Variants in AGO3 observed in about 807,000 individuals in gnomAD.
AGO3 encodes argonaute RISC catalytic component 3, also known as protein argonaute-3.
A neutral mutation model predicts 105.5 loss-of-function variants in AGO3; 16 were observed. The observed-to-expected ratio is 0.15, with a 90% CI of 0.10 to 0.23. The LOEUF is 0.23. Among genes scored for constraint, AGO3 ranks in the 10% least tolerant of loss-of-function variants. AGO3 has a pLI of 1.00. For missense variants in AGO3, 534 were observed against 1,088.0 expected, an observed-to-expected ratio of 0.49 and a Z score of 7.16; for synonymous variants, 340 against 367.3, an observed-to-expected ratio of 0.93 and a Z score of 0.85.
intron 5 of AGO3, among the ~76,000 whole-genome samples, chr1:35,978,476 GC>G (rs1646992921): frequency 6.6e-6 from 1 of 152,228 alleles, no homozygotes; most frequent in African/African-American, 2.4e-5. Flanking sequence ...ACAGGCGTGA[GC>G]CACCGCATCT....
intron 1 of AGO3, among the ~76,000 whole-genome samples, chr1:35,935,408 G>C (rs1646131277): frequency 6.6e-6 from 1 of 152,144 alleles, no homozygotes; most frequent in Non-Finnish European, 1.5e-5. Context: ...AATCTGTTTA[G>C]TTTTTTAAAA....
chr1:36,005,077 CAAAAAT>C (rs1290122160), intron 6 of AGO3, among the ~76,000 whole-genome samples: 2 of 151,636 alleles, frequency 1.3e-5, no homozygotes, highest in African/African-American at 2.4e-5. Context: ...TGTGGCTGCC[CAAAAAT>C]AAAAATAAAA....
At chr1:36,018,681 T>A (rs1641045065) in intron 11 of AGO3, among the ~76,000 whole-genome samples, 1 of 152,178 alleles carries the variant, frequency 6.6e-6, no homozygotes, top group Admixed American at 6.5e-5. Context: ...TTCACCCGCC[T>A]TGGCCTCCCA....
intron 2 of AGO3, among the ~76,000 whole-genome samples, chr1:35,958,962 T>C (rs1264654026): frequency 6.6e-6 from 1 of 152,208 alleles, no homozygotes; most frequent in East Asian, 1.9e-4. Context: ...GGGGAAAATA[T>C]TCTTTCATGT....
chr1:35,957,047 T>C (rs1359597167), intron 2 of AGO3, among the ~76,000 whole-genome samples: 1 of 151,952 alleles, frequency 6.6e-6, no homozygotes, highest in African/African-American at 2.4e-5. Flanking sequence ...TTACACATGG[T>C]TGTTAAGAAG....
intron 2 of AGO3, among the ~76,000 whole-genome samples, chr1:35,965,436 G>A (rs181346406): frequency 3.4e-5 from 5 of 145,042 alleles, no homozygotes; most frequent in Non-Finnish European, 6.0e-5. Context: ...GTAGCAGTGA[G>A]CCGAGATCGC....
rs1474619512 is a variant in AGO3 at position 36,069,978 on chromosome 1, A to G, written c.*14233A>G. On this transcript the variant is annotated 3_prime_UTR_variant, in exon 19 of 19. Transcript: ENST00000373191. Reference sequence around the variant, plus strand: ...AGGCTAAGGTGGGAGAATTGCTTGGACCCAGGTGGCAGAGGTTGCAGTGAG... The same window carrying G: ...AGGCTAAGGTGGGAGAATTGCTTGGGCCCAGGTGGCAGAGGTTGCAGTGAG... The G allele has an allele frequency of 6.6e-6, 1 of 152,090 alleles. No individual in the cohort carries two copies. The highest frequency in any genetic ancestry group is 1.5e-5 in the Non-Finnish European group (1 of 68,054). 9.4% of individuals were successfully genotyped at this position (152,090 alleles called of 1,614,324 possible).
At chr1:36,042,328 G>A (rs576020227) in intron 16 of AGO3, among the ~76,000 whole-genome samples, 5 of 152,092 alleles carry the variant, frequency 3.3e-5, no homozygotes, top group African/African-American at 7.2e-5. Flanking sequence ...CAAATGATCC[G>A]CCCACCTCGG....
intron 2 of AGO3, among the ~76,000 whole-genome samples, chr1:35,962,464 A>G (rs1317522539): frequency 2.0e-5 from 3 of 151,394 alleles, no homozygotes; most frequent in African/African-American, 4.9e-5. Context: ...AATAGTGTGA[A>G]CCCAGGAGGG....
At chr1:35,952,148 CTTTT>C (rs869309731) in intron 2 of AGO3, among the ~76,000 whole-genome samples, 29 of 18,060 alleles carry the variant, frequency 1.6e-3, no homozygotes, top group East Asian at 0.013. Flanking sequence ...TTCTTTCTTT[CTTTT>C]TTTTTTTTTT....
chr1:35,949,824 A>G (rs188342095), intron 2 of AGO3, among the ~76,000 whole-genome samples: 4 of 152,144 alleles, frequency 2.6e-5, no homozygotes, highest in African/African-American at 9.6e-5. Context: ...AGTTCTCCCT[A>G]TGTTGCCCAG....
intron 5 of AGO3, among the ~76,000 whole-genome samples, chr1:35,991,613 T>A (rs1647670332): frequency 6.6e-6 from 1 of 150,616 alleles, no homozygotes; most frequent in South Asian, 2.1e-4. Flanking sequence ...AAAATGATAG[T>A]TTAGCTCTTT....
Position 36,010,272 on chromosome 1 carries a change from G to A in AGO3, c.1149+678G>A, listed in dbSNP as rs567234139. 2.1e-4 allele frequency among the ~76,000 whole-genome samples: 32 copies of A among 151,928 alleles called. 1 individual carries two copies. The highest frequency in any genetic ancestry group is 1.7e-3 in the Admixed American group (26 of 15,250). On this transcript the variant is annotated intron_variant, in intron 9 of 18. Coordinates refer to ENST00000373191, the MANE Select transcript of AGO3 (RefSeq NM_024852.4). ...AATTCTTAACACTCAGTCTAAGATT[G>A]CTTAGTCCCCAGTATCACAGTGGCA...
At chr1:35,933,976 T>A (rs560906608) in intron 1 of AGO3, among the ~76,000 whole-genome samples, 1 of 152,314 alleles carries the variant, frequency 6.6e-6, no homozygotes, top group African/African-American at 2.4e-5. Flanking sequence ...ATCTACTGAT[T>A]TAGTACCATC....
intron 12 of AGO3, among the ~76,000 whole-genome samples, chr1:36,033,043 G>A (rs556565579): frequency 1.3e-5 from 2 of 152,238 alleles, no homozygotes; most frequent in African/African-American, 4.8e-5. Context: ...TGAGGCAGGA[G>A]AATCACTTGA....
intron 5 of AGO3, among the ~76,000 whole-genome samples, chr1:35,994,502 T>C (rs1473643117): frequency 6.6e-6 from 1 of 152,180 alleles, no homozygotes; most frequent in Non-Finnish European, 1.5e-5. Flanking sequence ...CTTGCTCTCA[T>C]TATTTGGTAA....
intron 2 of AGO3, among the ~76,000 whole-genome samples, chr1:35,952,187 C>T (rs1170545671): frequency 7.5e-6 from 1 of 133,940 alleles, no homozygotes; most frequent in Non-Finnish European, 1.5e-5. Flanking sequence ...CGCTCTGTCA[C>T]CTAGGCTAGA....
At chr1:36,014,889 A>T (rs150033900) in intron 11 of AGO3, among the ~76,000 whole-genome samples, 1 of 152,224 alleles carries the variant, frequency 6.6e-6, no homozygotes, top group Non-Finnish European at 1.5e-5. Flanking sequence ...GAAAAAACAC[A>T]AGCTCAAACC....
At chr1:35,988,211 G>A (rs531989263) in intron 5 of AGO3, among the ~76,000 whole-genome samples, 1 of 152,288 alleles carries the variant, frequency 6.6e-6, no homozygotes, top group African/African-American at 2.4e-5. Context: ...GAGGTATACA[G>A]TGTGATTTTT....
Sources: gnomAD v4.1 joint callset for allele counts (sites outside exome capture counted in the v4.1 genomes callset) on GRCh38, gnomAD v4.1.1 for gene constraint, MANE v1.5 for transcripts, NCBI Gene and HGNC (gene_info 2026-07-23, HGNC 2026-07-21) for gene names.